The following LHFPL3 variants were observed in gnomAD, a reference collection of about 807,000 sequenced individuals.
LHFPL3 encodes the protein LHFPL tetraspan subfamily member 3 protein.
LHFPL3 carries 5 observed loss-of-function variants against 19.3 expected under a neutral mutation model. That is an observed-to-expected ratio of 0.26 (90% CI 0.14 to 0.54). The LOEUF (loss-of-function observed/expected upper bound fraction) is 0.54. Ranked by LOEUF, LHFPL3 falls within the 20% of genes least tolerant of loss-of-function variation. The pLI, the probability that LHFPL3 is intolerant of heterozygous loss-of-function variation, is 0.94. For missense variants in LHFPL3, 249 were observed against 307.4 expected (o/e 0.81, Z 1.42); for synonymous variants, 133 against 126.2 (o/e 1.05, Z -0.36).
At chr7:104,672,056 CAA>C (rs1491236789) in intron 1 of LHFPL3, among the ~76,000 whole-genome samples, 18 of 99,952 alleles carry the variant, frequency 1.8e-4, no homozygotes, top group African/African-American at 4.0e-4. Context: ...CTTTAACTTC[CAA>C]GTGTGTGTGT....
intron 1 of LHFPL3, among the ~76,000 whole-genome samples, chr7:104,391,340 T>C (rs150665251): frequency 0.066 from 10,028 of 152,130 alleles, 354 homozygotes; most frequent in Middle Eastern, 0.099. Flanking sequence ...AGTCTTTAAT[T>C]CATGTTGAAT....
Position 104,888,824 on chromosome 7 carries a change from C to A in LHFPL3, c.683-17363C>A, listed in dbSNP as rs183012897. Among the ~76,000 whole-genome samples, 11 of 152,182 alleles carry A rather than the reference C, an allele frequency of 7.2e-5. No individual in the cohort carries two copies. In the East Asian group the frequency reaches 1.9e-3, roughly 27 times the overall value. ...TTGGGATGAGTCTAAGTTTTCCAGG[C>A]GAAGGAAGAGGGGAGATTTCTGTCC... On this transcript the variant is annotated intron_variant, in intron 2 of 2. Transcript: ENST00000424859.
At chr7:104,558,979 C>A (rs1437488809) in intron 1 of LHFPL3, among the ~76,000 whole-genome samples, 13 of 148,754 alleles carry the variant, frequency 8.7e-5, no homozygotes, top group Non-Finnish European at 1.9e-4. Flanking sequence ...TGTCAAAGAT[C>A]AGATAGTTGT....
At chr7:104,772,457 G>C (rs1352073425) in intron 2 of LHFPL3, among the ~76,000 whole-genome samples, 1 of 152,062 alleles carries the variant, frequency 6.6e-6, no homozygotes, top group Non-Finnish European at 1.5e-5. Flanking sequence ...CTCAGACAAT[G>C]GGCTCCGACT....
intron 1 of LHFPL3, among the ~76,000 whole-genome samples, chr7:104,440,515 TAACA>T (rs1329605420): frequency 1.3e-5 from 2 of 152,042 alleles, no homozygotes; most frequent in Non-Finnish European, 2.9e-5. Flanking sequence ...TATACATATG[TAACA>T]AACCTGCACA....
intron 1 of LHFPL3, among the ~76,000 whole-genome samples, chr7:104,724,204 G>A (rs1210837846): frequency 6.6e-6 from 1 of 152,112 alleles, no homozygotes; most frequent in East Asian, 1.9e-4. Context: ...ATTTATTACA[G>A]CACTCAAGCA....
chr7:104,396,275 A>G (rs1323224142), intron 1 of LHFPL3, among the ~76,000 whole-genome samples: 1 of 152,192 alleles, frequency 6.6e-6, no homozygotes, highest in Admixed American at 6.5e-5. Flanking sequence ...ATGGTTGCTA[A>G]AGACTCGCTG....
intron 1 of LHFPL3, among the ~76,000 whole-genome samples, chr7:104,419,193 T>G (rs901245247): frequency 3.9e-5 from 6 of 152,134 alleles, no homozygotes; most frequent in Non-Finnish European, 5.9e-5. Context: ...AAAAATAAAC[T>G]ATGGATGATG....
chr7:104,332,256 G>A (rs889798982), intron 1 of LHFPL3, among the ~76,000 whole-genome samples: 2 of 119,460 alleles, frequency 1.7e-5, no homozygotes, highest in East Asian at 2.7e-4. Flanking sequence ...TTGAGATGGA[G>A]TCTCGCTCTG....
intron 2 of LHFPL3, among the ~76,000 whole-genome samples, chr7:104,796,063 T>C (rs890453422): frequency 2.0e-5 from 3 of 152,166 alleles, no homozygotes; most frequent in Admixed American, 6.5e-5. Context: ...ACTGTCACTC[T>C]TCAGCTCACG....
intron 1 of LHFPL3, among the ~76,000 whole-genome samples, chr7:104,565,737 A>G (rs1269696734): frequency 2.6e-4 from 38 of 146,278 alleles, no homozygotes; most frequent in African/African-American, 7.5e-4. Context: ...CTATCTATCT[A>G]TCTATCTATC....
At chr7:104,669,167 C>A (rs1176727057) in intron 1 of LHFPL3, 2 of 1,613,502 alleles carry the variant, frequency 1.2e-6, no homozygotes, top group South Asian at 2.2e-5. Context: ...GTAATGCCAG[C>A]CCCTCCACCA....
chr7:104,685,437 TAAACACACACACACAC>T (rs1368864773), intron 1 of LHFPL3, among the ~76,000 whole-genome samples: 1 of 152,182 alleles, frequency 6.6e-6, no homozygotes, highest in Non-Finnish European at 1.5e-5. Flanking sequence ...CCAGTGTGTG[TAAACACACACACACAC>T]AGACACACAC....
At chr7:104,850,601 A>G (rs1791399478) in intron 2 of LHFPL3, among the ~76,000 whole-genome samples, 1 of 152,228 alleles carries the variant, frequency 6.6e-6, no homozygotes, top group Non-Finnish European at 1.5e-5. Context: ...GACTGACATG[A>G]AACTAAATTG....
intron 1 of LHFPL3, among the ~76,000 whole-genome samples, chr7:104,429,108 G>A (rs541278405): frequency 5.9e-5 from 9 of 152,060 alleles, no homozygotes; most frequent in Non-Finnish European, 8.8e-5. Context: ...ATTTTATTAA[G>A]AGATGTATAT....
intron 1 of LHFPL3, among the ~76,000 whole-genome samples, chr7:104,586,260 G>A (rs1043946868): frequency 6.6e-6 from 1 of 152,040 alleles, no homozygotes; most frequent in African/African-American, 2.4e-5. Flanking sequence ...GTTAAGGATG[G>A]TTGTGAAAGC....
chr7:104,648,261 G>A (rs1310035426), intron 1 of LHFPL3, among the ~76,000 whole-genome samples: 1 of 152,182 alleles, frequency 6.6e-6, no homozygotes, highest in Non-Finnish European at 1.5e-5. Context: ...GATCATCACA[G>A]CTATGGGTAC....
At chr7:104,433,875 C>T (rs114743330) in intron 1 of LHFPL3, among the ~76,000 whole-genome samples, 1 of 152,142 alleles carries the variant, frequency 6.6e-6, no homozygotes, top group Non-Finnish European at 1.5e-5. Flanking sequence ...CATGGAGTTC[C>T]TAGCACAGTG....
chr7:104,694,973 T>G (rs1189433523), intron 1 of LHFPL3, among the ~76,000 whole-genome samples: 4 of 152,242 alleles, frequency 2.6e-5, no homozygotes, highest in African/African-American at 9.6e-5. Flanking sequence ...TGTGAATTTA[T>G]GTATGTTATC....
Sources: allele counts gnomAD v4.1 joint callset (sites outside exome capture counted in the v4.1 genomes callset), GRCh38; gene constraint gnomAD v4.1.1; transcripts MANE v1.5; gene names NCBI Gene and HGNC (gene_info 2026-07-23, HGNC 2026-07-21).